MAGI2: variants seen among roughly 807,000 people sequenced by gnomAD.
MAGI2 encodes membrane associated guanylate kinase, WW and PDZ domain containing 2, also known as membrane-associated guanylate kinase, WW and PDZ domain-containing protein 2.
A neutral mutation model predicts 133.3 loss-of-function variants in MAGI2; 35 were observed. The observed-to-expected ratio is 0.26, with a 90% CI of 0.20 to 0.35. The LOEUF is 0.35. MAGI2 is among the 10% of genes least tolerant of loss of function. The probability of loss-of-function intolerance (pLI) is 1.00; values close to 1 mark genes in which losing one functional copy is unlikely to be tolerated. For missense variants in MAGI2, 1,636 were observed against 1,863.4 expected, an observed-to-expected ratio of 0.88 and a Z score of 2.25; for synonymous variants, 729 against 710.6, an observed-to-expected ratio of 1.03 and a Z score of -0.41.
chr7:78,094,233 A>T (rs1583871441), intron 20 of MAGI2, among the ~76,000 whole-genome samples: 1 of 152,272 alleles, frequency 6.6e-6, no homozygotes, highest in East Asian at 1.9e-4. Flanking sequence ...CCACTTCATG[A>T]TGCTTCCTCT....
Position 79,420,690 on chromosome 7 carries a change from A to G in MAGI2, c.301+32330T>C, listed in dbSNP as rs566047856. Among the ~76,000 whole-genome samples the G allele has an allele frequency of 5.9e-5, 9 of 152,074 alleles. No individual in the cohort carries two copies. In the East Asian group the frequency reaches 1.4e-3, roughly 23 times the overall value. ...GGAGCTGACACTTTATTTTGCATCT[A>G]CGCCACCAAGATTACATCATCATGG... On this transcript the variant is annotated intron_variant, in intron 1 of 21. Transcript: ENST00000354212.
chr7:78,196,983 C>T (rs1288000663), intron 11 of MAGI2, among the ~76,000 whole-genome samples: 2 of 152,186 alleles, frequency 1.3e-5, no homozygotes, highest in African/African-American at 2.4e-5. Flanking sequence ...GTAACTCTAA[C>T]AGAAGTAATT....
At chr7:79,418,686 A>C (rs567653225) in intron 1 of MAGI2, among the ~76,000 whole-genome samples, 13 of 152,106 alleles carry the variant, frequency 8.5e-5, no homozygotes, top group Admixed American at 5.2e-4. Context: ...ACTGAACCCC[A>C]TTTAACTTTA....
rs559037462 is a variant in MAGI2 at position 79,235,653 on chromosome 7, C to T, written c.301+217367G>A. Among the ~76,000 whole-genome samples, 260 of 152,288 alleles carry T rather than the reference C, an allele frequency of 1.7e-3. 2 individuals are homozygous for T. Among genetic ancestry groups the T allele is most frequent in the African/African-American group, 6.0e-3 (249 of 41,588 alleles). On this transcript the variant is annotated intron_variant, in intron 1 of 21. Transcript: ENST00000354212. ...GGCAATGCCTTGCCCTGCTTCGGCTCGCGCACGGTGCGCGCACCCACTGAC... is the reference window on the plus strand; with the variant it reads ...GGCAATGCCTTGCCCTGCTTCGGCTTGCGCACGGTGCGCGCACCCACTGAC...
intron 3 of MAGI2, among the ~76,000 whole-genome samples, chr7:78,572,693 G>C (rs557185700): frequency 6.6e-6 from 1 of 151,288 alleles, no homozygotes; most frequent in Non-Finnish European, 1.5e-5. Context: ...ACAGAGTTTC[G>C]CTCTTGTTGC....
intron 3 of MAGI2, among the ~76,000 whole-genome samples, chr7:78,602,673 A>AAT (rs1411684177): frequency 2.6e-5 from 4 of 152,192 alleles, no homozygotes; most frequent in Admixed American, 6.5e-5. Context: ...AATGTATGTA[A>AAT]GATTGGCCAC....
In MAGI2 at chr7:78,185,688, G is replaced by T; in HGVS notation, c.2270-18C>A. ...CACTTGTTCTGGATGGGAAAATGGG[G>T]AATTAAAGTTGAAATTCATTTATGG... On this transcript the variant is annotated intron_variant, in intron 12 of 21. Coordinates refer to ENST00000354212, the MANE Select transcript of MAGI2 (RefSeq NM_012301.4). 1 of 1,547,234 alleles carries T rather than the reference G, an allele frequency of 6.5e-7. No individual in the cohort carries two copies. Among genetic ancestry groups the T allele is most frequent in the Non-Finnish European group, 8.8e-7 (1 of 1,138,232 alleles).
At chr7:78,290,616 C>A (rs1235476389) in intron 9 of MAGI2, among the ~76,000 whole-genome samples, 1 of 152,170 alleles carries the variant, frequency 6.6e-6, no homozygotes, top group African/African-American at 2.4e-5. Flanking sequence ...ACAGAACTCT[C>A]CACCCCAAAT....
At chr7:78,535,956 C>G (rs1291811200) in intron 3 of MAGI2, among the ~76,000 whole-genome samples, 4 of 150,002 alleles carry the variant, frequency 2.7e-5, no homozygotes, top group Non-Finnish European at 5.9e-5. Flanking sequence ...GATTTATCTT[C>G]CGCCGGACCA....
chr7:78,502,640 T>G (rs1202515265), intron 4 of MAGI2, among the ~76,000 whole-genome samples: 1 of 152,240 alleles, frequency 6.6e-6, no homozygotes, highest in East Asian at 1.9e-4. Flanking sequence ...AATTTTATCA[T>G]AGTTTTTTTG....
chr7:78,709,256 CCT>C (rs144937383), intron 2 of MAGI2, among the ~76,000 whole-genome samples: 6,029 of 151,994 alleles, frequency 0.04, 181 homozygotes, highest in Non-Finnish European at 0.062. Flanking sequence ...CCCAGGCCTC[CCT>C]GTCCCCACCT....
At chr7:79,126,773 TA>T (rs769795261) in intron 1 of MAGI2, among the ~76,000 whole-genome samples, 5 of 151,784 alleles carry the variant, frequency 3.3e-5, no homozygotes, top group African/African-American at 1.2e-4. Context: ...GACTTTTTTT[TA>T]AAAAATGTTT....
At chr7:78,100,952 T>TAGCATCAAA (rs1464836430) in intron 20 of MAGI2, among the ~76,000 whole-genome samples, 5 of 148,776 alleles carry the variant, frequency 3.4e-5, no homozygotes, top group Non-Finnish European at 7.4e-5. Flanking sequence ...CCATTTACAA[T>TAGCATCAAA]AGCATCAAAA....
intron 2 of MAGI2, among the ~76,000 whole-genome samples, chr7:78,650,615 A>T (rs1349565739): frequency 6.6e-6 from 1 of 152,052 alleles, no homozygotes; most frequent in Non-Finnish European, 1.5e-5. Flanking sequence ...TAGACAGAGA[A>T]GAAGTTGGTT....
At chr7:78,227,490 G>T (rs1404625800) in intron 10 of MAGI2, among the ~76,000 whole-genome samples, 1 of 152,144 alleles carries the variant, frequency 6.6e-6, no homozygotes, top group Non-Finnish European at 1.5e-5. Context: ...ACTCAAAGTG[G>T]GAAGTCCTTT....
At position 78,437,826 on chromosome 7, in the gene MAGI2, T is replaced by A. The variant is rs149469380; in HGVS notation, c.1045+51935A>T. On this transcript the variant is annotated intron_variant, in intron 6 of 21. Transcript: ENST00000354212. ...GCACTTATGAAAGTTTATAATTTAATATATAGGTAGAAAATAATTTTCCAA... is the reference window on the plus strand; with the variant it reads ...GCACTTATGAAAGTTTATAATTTAAAATATAGGTAGAAAATAATTTTCCAA... Among the ~76,000 whole-genome samples, 8 of 152,344 alleles carry A rather than the reference T, an allele frequency of 5.3e-5. 1 individual carries two copies. The highest frequency in any genetic ancestry group is 1.9e-4 in the African/African-American group (8 of 41,580).
chr7:78,855,490 T>C (rs1373289470), intron 2 of MAGI2, among the ~76,000 whole-genome samples: 2 of 152,034 alleles, frequency 1.3e-5, no homozygotes, highest in Non-Finnish European at 2.9e-5. Context: ...CACTTATGAG[T>C]GAGAACATGT....
intron 3 of MAGI2, among the ~76,000 whole-genome samples, chr7:78,560,717 C>T (rs1800316096): frequency 6.6e-6 from 1 of 152,104 alleles, no homozygotes; most frequent in Admixed American, 6.5e-5. Context: ...TTCTGTTCTT[C>T]CCTTTGATAG....
intron 2 of MAGI2, among the ~76,000 whole-genome samples, chr7:78,845,557 G>T (rs903434834): frequency 1.3e-5 from 2 of 151,876 alleles, no homozygotes; most frequent in African/African-American, 4.8e-5. Flanking sequence ...GAGAAAAAAG[G>T]TAACAGTATA....
Sources: allele counts gnomAD v4.1 joint callset (sites outside exome capture counted in the v4.1 genomes callset), GRCh38; gene constraint gnomAD v4.1.1; transcripts MANE v1.5; gene names NCBI Gene and HGNC (gene_info 2026-07-23, HGNC 2026-07-21).